FANK1: variants seen among roughly 807,000 people sequenced by gnomAD.
FANK1 encodes the protein fibronectin type 3 and ankyrin repeat domains protein 1.
Under a neutral mutation model 45.3 loss-of-function variants are expected in FANK1, and 44 were observed. The observed-to-expected ratio is 0.97, with a 90% confidence interval of 0.76 to 1.25. The LOEUF is 1.25. Ranked by LOEUF, FANK1 falls within the 50% of genes most tolerant of loss-of-function variation. The pLI, the probability that FANK1 is intolerant of heterozygous loss-of-function variation, is 0.00. For synonymous variants in FANK1, 149 were observed against 152.5 expected (o/e 0.98, Z 0.17); for missense variants, 391 against 424.4 (o/e 0.92, Z 0.69).
At position 125,983,158 on chromosome 10, in the gene FANK1, A is replaced by C. The variant is rs1489172970; in HGVS notation, c.191+2820A>C. ...TTGAATATGCCTTGACGTTTTCTGC[A>C]TGTGTGTTCAGTTGTTTTCCCTGTT... is the stretch of plus-strand genomic sequence containing the variant. On this transcript the variant is annotated intron_variant, in intron 2 of 10. Coordinates refer to ENST00000368693, the MANE Select transcript of FANK1 (RefSeq NM_145235.5). This position sits in a 1 kb window ranked among gnomAD's most constrained non-coding sequence, Gnocchi z 4.3. 1.3e-5 allele frequency among the ~76,000 whole-genome samples: 2 copies of C among 152,020 alleles called. No individual in the cohort carries two copies. Among genetic ancestry groups the C allele is most frequent in the Admixed American group, 1.3e-4 (2 of 15,258 alleles).
intron 1 of FANK1, among the ~76,000 whole-genome samples, chr10:125,942,190 C>G (rs1342511408): frequency 6.6e-6 from 1 of 152,176 alleles, no homozygotes; most frequent in East Asian, 1.9e-4. Context: ...GAGTAAATTT[C>G]ATGGGCAGTG....
intron 1 of FANK1, among the ~76,000 whole-genome samples, chr10:125,977,461 T>C (rs527846230): frequency 3.9e-5 from 6 of 152,272 alleles, no homozygotes; most frequent in South Asian, 4.1e-4. Flanking sequence ...CTCCCCTGTT[T>C]CCTCACAGTT....
intron 3 of FANK1, chr10:125,989,523 A>T: frequency 1.3e-6 from 1 of 771,720 alleles, no homozygotes; most frequent in Admixed American, 2.0e-5. Context: ...ACTAAAGTTA[A>T]CTCAGCTTTT....
At position 125,918,585 on chromosome 10, in the gene FANK1, A is replaced by AATATATATAT. The variant is rs1197525883; in HGVS notation, c.13+21944_13+21953dup. 1.7e-3 allele frequency among the ~76,000 whole-genome samples: 123 copies of AATATATATAT among 70,950 alleles called. 3 individuals are homozygous for AATATATATAT. The highest frequency in any genetic ancestry group is 0.011 in the Middle Eastern group (1 of 92). 46.5% of individuals were successfully genotyped at this position (70,950 alleles called of 152,430 possible). A position where few individuals can be genotyped will look rare whatever the true frequency, so the allele number is the denominator to read the frequency against. ...AAAAAAAAAAAAAAAAAAAAAAAAA[A>AATATATATAT]ATATATATATATATATATATATAGT... is the stretch of plus-strand genomic sequence containing the variant. On this transcript the variant is annotated intron_variant, in intron 1 of 10. Transcript: ENST00000368693.
chr10:125,980,129 G>A (rs1564937701), intron 1 of FANK1, 32 bp from the exon 2 acceptor site: 2 of 1,598,114 alleles, frequency 1.3e-6, no homozygotes, highest in Non-Finnish European at 1.7e-6. Context: ...TGGAAACTGG[G>A]TCCTGAAGTT....
chr10:125,977,158 G>A (rs1950903399), intron 1 of FANK1, among the ~76,000 whole-genome samples: 1 of 152,128 alleles, frequency 6.6e-6, no homozygotes, highest in South Asian at 2.1e-4. Context: ...CATTTGGAGG[G>A]CGTATGACAC....
chr10:125,959,862 G>T (rs989981674), intron 1 of FANK1, among the ~76,000 whole-genome samples: 1 of 152,034 alleles, frequency 6.6e-6, no homozygotes, highest in South Asian at 2.1e-4. Flanking sequence ...GATATTCTAG[G>T]TATAGAAACA....
In FANK1 at chr10:125,942,109, A is replaced by C. The variant is rs773920354; in HGVS notation, c.14-38052A>C. Among the ~76,000 whole-genome samples the C allele has an allele frequency of 5.9e-4, 90 of 152,230 alleles. 1 individual carries two copies. Among genetic ancestry groups the C allele is most frequent in the African/African-American group, 1.9e-3 (80 of 41,458 alleles). Reference sequence around the variant, plus strand: ...GATAATGATGAAGGAAAACTAAATAAGAAATAGCCTCTGTATATAAAGAGT... The same window carrying C: ...GATAATGATGAAGGAAAACTAAATACGAAATAGCCTCTGTATATAAAGAGT... On this transcript the variant is annotated intron_variant, in intron 1 of 10. Transcript: ENST00000368693.
In FANK1 at chr10:125,904,925, A is replaced by C. The variant is rs192191977; in HGVS notation, c.13+8270A>C. Among the ~76,000 whole-genome samples the C allele has an allele frequency of 5.3e-3, 807 of 151,714 alleles. 5 individuals carry two copies. Among genetic ancestry groups the C allele is most frequent in the African/African-American group, 0.019 (782 of 41,418 alleles). On this transcript the variant is annotated intron_variant, in intron 1 of 10. Transcript: ENST00000368693. ...CGGATCACGAGGTCAGGAGATCGAG[A>C]CCGTCCTGGCTAACAGGGTGAAACC...
Position 125,995,423 on chromosome 10 carries a change from C to T in FANK1, c.323C>T (p.Pro108Leu). 1.2e-6 allele frequency: 2 copies of T among 1,614,068 alleles called. No homozygotes were observed. The highest frequency in any genetic ancestry group is 1.7e-6 in the Non-Finnish European group (2 of 1,179,980). The change falls in exon 4 of 11, where the codon CCC becomes CTC. Residue 108 changes from proline (P) to leucine (L), a missense_variant. By Grantham distance (98) the Pro-to-Leu change is moderately conservative. Coordinates refer to ENST00000368693, the MANE Select transcript of FANK1 (RefSeq NM_145235.5). ...TTCCATCTCATTTCTCCAGGAGAGC[C>T]CATAAGTAGTGAGCACTTGCACCGG... ...PLVSVSTTRE[P>L]ISSEHLHRAV...
chr10:125,966,956 G>A (rs1950229363), intron 1 of FANK1, among the ~76,000 whole-genome samples: 1 of 152,126 alleles, frequency 6.6e-6, no homozygotes, highest in African/African-American at 2.4e-5. Flanking sequence ...CTGTCTGCGT[G>A]CATCTGTACA....
At chr10:125,958,763 C>A (rs1245216673) in intron 1 of FANK1, among the ~76,000 whole-genome samples, 1 of 152,156 alleles carries the variant, frequency 6.6e-6, no homozygotes, top group African/African-American at 2.4e-5. Flanking sequence ...AAATATATTT[C>A]TTGGCCATTT....
intron 3 of FANK1, chr10:125,994,950 A>G (rs1164817937): frequency 1.0e-6 from 1 of 984,966 alleles, no homozygotes; most frequent in East Asian, 1.1e-4. Context: ...CAGAGAAGAC[A>G]AGGCCAATAT....
In FANK1 at chr10:125,909,458, C is replaced by T. The variant is rs188532410; in HGVS notation, c.13+12803C>T. On this transcript the variant is annotated intron_variant, in intron 1 of 10. Coordinates refer to ENST00000368693, the MANE Select transcript of FANK1 (RefSeq NM_145235.5). ...TTATTTCCATCATTTTAATTTCATT[C>T]GGCTTAATTTGCTGGGATTTTTGAG... Among the ~76,000 whole-genome samples the T allele has an allele frequency of 5.8e-4, 87 of 149,664 alleles. 1 individual carries two copies. The highest frequency in any genetic ancestry group is 1.9e-3 in the African/African-American group (76 of 40,868).
intron 10 of FANK1, 23 bp from the exon 11 acceptor site, chr10:126,009,350 G>A (rs762905976): frequency 2.4e-5 from 38 of 1,613,738 alleles, no homozygotes; most frequent in Non-Finnish European, 2.8e-5. Flanking sequence ...GATTACATTC[G>A]CCTGTCTGTT....
intron 1 of FANK1, among the ~76,000 whole-genome samples, chr10:125,933,380 G>T (rs1213833005): frequency 6.6e-6 from 1 of 151,996 alleles, no homozygotes; most frequent in African/African-American, 2.4e-5. Context: ...ATTTTTTCCA[G>T]GGATTTATCC....
At chr10:125,956,292 GA>G (rs1247171888) in intron 1 of FANK1, among the ~76,000 whole-genome samples, 2 of 151,758 alleles carry the variant, frequency 1.3e-5, no homozygotes, top group African/African-American at 4.8e-5. Flanking sequence ...GATGTTTATT[GA>G]GCACTTCACT....
intron 1 of FANK1, among the ~76,000 whole-genome samples, chr10:125,917,167 CT>C (rs1946515193): frequency 6.6e-6 from 1 of 152,172 alleles, no homozygotes; most frequent in Non-Finnish European, 1.5e-5. Flanking sequence ...CAAACTGAAA[CT>C]TTAAGGAAGC....
chr10:125,991,250 G>GGTAT (rs1951910605), intron 3 of FANK1, among the ~76,000 whole-genome samples: 2 of 145,908 alleles, frequency 1.4e-5, no homozygotes, highest in Non-Finnish European at 3.0e-5. Flanking sequence ...GGTGACCAGG[G>GGTAT]GTGTGTGTGT....
Sources: allele counts gnomAD v4.1 joint callset (sites outside exome capture counted in the v4.1 genomes callset), GRCh38; gene constraint gnomAD v4.1.1; non-coding constraint Gnocchi (gnomAD v3.1); transcripts MANE v1.5; gene names NCBI Gene and HGNC (gene_info 2026-07-23, HGNC 2026-07-21).